The following RCSD1 variants were observed in gnomAD, a reference collection of about 807,000 sequenced individuals.
The protein encoded by RCSD1 is capZ-interacting protein.
A neutral mutation model predicts 42.5 loss-of-function variants in RCSD1; 26 were observed. The ratio of observed to expected loss-of-function variants is 0.61; its 90% CI spans 0.45 to 0.85. The LOEUF (loss-of-function observed/expected upper bound fraction) is 0.85. Among genes scored for constraint, RCSD1 ranks in the 40% least tolerant of loss-of-function variants. The probability of loss-of-function intolerance (pLI) is 0.00; values close to 1 mark genes in which losing one functional copy is unlikely to be tolerated. For missense variants in RCSD1, 571 were observed against 528.3 expected, an observed-to-expected ratio of 1.08 and a Z score of -0.79; for synonymous variants, 220 against 212.2, an observed-to-expected ratio of 1.04 and a Z score of -0.32.
At chr1:167,636,492 G>A (rs909848172) in intron 1 of RCSD1, among the ~76,000 whole-genome samples, 2 of 152,254 alleles carry the variant, frequency 1.3e-5, no homozygotes, top group East Asian at 1.9e-4. Flanking sequence ...TCCTGGCCTC[G>A]AGGTAGCAAT....
At chr1:167,641,143 A>G (rs1226916495) in intron 1 of RCSD1, among the ~76,000 whole-genome samples, 1 of 152,096 alleles carries the variant, frequency 6.6e-6, no homozygotes, top group Non-Finnish European at 1.5e-5. Flanking sequence ...CTGTTCAGAG[A>G]GCTGCAGTTG....
intron 2 of RCSD1, among the ~76,000 whole-genome samples, chr1:167,685,090 G>A (rs1571095678): frequency 1.3e-5 from 2 of 152,196 alleles, no homozygotes; most frequent in East Asian, 3.8e-4. Flanking sequence ...TTGATCTCAG[G>A]TGCTGGCACT....
intron 1 of RCSD1, among the ~76,000 whole-genome samples, chr1:167,656,180 G>A (rs1387193182): frequency 6.6e-6 from 1 of 152,142 alleles, no homozygotes; most frequent in Non-Finnish European, 1.5e-5. Context: ...GCTCAGGATG[G>A]TTAAGGGGTT....
intron 4 of RCSD1, among the ~76,000 whole-genome samples, chr1:167,693,203 C>A (rs528970426): frequency 4.3e-4 from 65 of 152,298 alleles, no homozygotes; most frequent in Admixed American, 3.1e-3. Context: ...TTCGGCACTG[C>A]CACAGGGTCT....
chr1:167,674,605 G>T (rs760901609), intron 1 of RCSD1, among the ~76,000 whole-genome samples: 2 of 152,188 alleles, frequency 1.3e-5, no homozygotes, highest in African/African-American at 4.8e-5. Flanking sequence ...AAGAAAGCCT[G>T]TAGGCTTTAG....
At position 167,697,523 on chromosome 1, in the gene RCSD1, G is replaced by T. The variant is rs756208526; in HGVS notation, c.899G>T (p.Arg300Met). 1 of 1,606,540 alleles carries T rather than the reference G, an allele frequency of 6.2e-7. No individual in the cohort carries two copies. Among genetic ancestry groups the T allele is most frequent in the Non-Finnish European group, 8.5e-7 (1 of 1,176,580 alleles). The stretch of plus-strand genomic sequence containing the variant: ...GCAGAAAATAGGTGTGGGAGCCCCA[G>T]GGAGGAAAAGCCAGCTGGAGAGGAA... ...PEAENRCGSP[R>M]EEKPAGEEAE... is the part of the protein sequence containing the mutation. Residue 300 changes from arginine (R) to methionine (M), a missense_variant, in exon 6 of 7, where the codon AGG becomes ATG. Arg to Met is a moderately conservative substitution (Grantham distance 91, BLOSUM62 -1). Coordinates refer to ENST00000367854, the MANE Select transcript of RCSD1 (RefSeq NM_052862.4).
chr1:167,668,065 T>G (rs1220236195), intron 1 of RCSD1, among the ~76,000 whole-genome samples: 1 of 152,084 alleles, frequency 6.6e-6, no homozygotes, highest in Non-Finnish European at 1.5e-5. Flanking sequence ...CCAAGGCGGA[T>G]GGATCACCTG....
chr1:167,653,260 C>T (rs908936011), intron 1 of RCSD1, among the ~76,000 whole-genome samples: 1 of 152,188 alleles, frequency 6.6e-6, no homozygotes, highest in African/African-American at 2.4e-5. Flanking sequence ...CCTTTAGTTG[C>T]TTTCTGGTGT....
chr1:167,683,038 G>A (rs1659122717), intron 1 of RCSD1, among the ~76,000 whole-genome samples: 1 of 152,170 alleles, frequency 6.6e-6, no homozygotes, highest in Non-Finnish European at 1.5e-5. Flanking sequence ...TGTGTGTCTT[G>A]GTGACAAATG....
chr1:167,689,173 A>G (rs1659311904), intron 3 of RCSD1, among the ~76,000 whole-genome samples: 1 of 151,986 alleles, frequency 6.6e-6, no homozygotes, highest in Non-Finnish European at 1.5e-5. Flanking sequence ...GTAAATACTC[A>G]GTAAATGTTT....
intron 1 of RCSD1, among the ~76,000 whole-genome samples, chr1:167,680,294 C>T (rs1325890786): frequency 6.6e-6 from 1 of 151,800 alleles, no homozygotes; most frequent in East Asian, 1.9e-4. Flanking sequence ...TAGATGCTGG[C>T]AGGGGAGGGA....
intron 4 of RCSD1, among the ~76,000 whole-genome samples, chr1:167,691,899 G>T (rs74989083): frequency 6.6e-6 from 1 of 152,096 alleles, no homozygotes; most frequent in Admixed American, 6.5e-5. Flanking sequence ...TCTCAGAAGG[G>T]ATCCCAGAAC....
At chr1:167,677,514 G>A (rs918333333) in intron 1 of RCSD1, among the ~76,000 whole-genome samples, 5 of 152,238 alleles carry the variant, frequency 3.3e-5, no homozygotes, top group African/African-American at 1.2e-4. Context: ...ATTTAAAGAG[G>A]AAAGGATGAA....
chr1:167,630,525 C>T (rs2102188555), intron 1 of RCSD1, 96 bp downstream of exon 1: 6 of 1,263,364 alleles, frequency 4.7e-6, no homozygotes, highest in Non-Finnish European at 6.3e-6. Context: ...GCATGGAGCA[C>T]GCGGCTCATC....
intron 6 of RCSD1, among the ~76,000 whole-genome samples, chr1:167,699,019 C>T (rs1659578107): frequency 1.3e-5 from 2 of 152,072 alleles, no homozygotes; most frequent in African/African-American, 2.4e-5. Flanking sequence ...AGGATGATCT[C>T]GATCTCCTGA....
intron 6 of RCSD1, among the ~76,000 whole-genome samples, chr1:167,700,444 C>T (rs780656215): frequency 1.3e-5 from 2 of 151,876 alleles, no homozygotes; most frequent in Non-Finnish European, 2.9e-5. Flanking sequence ...GTCAGGAGAT[C>T]GAGACCATCC....
At chr1:167,698,813 G>GT (rs901640174) in intron 6 of RCSD1, among the ~76,000 whole-genome samples, 11 of 151,220 alleles carry the variant, frequency 7.3e-5, no homozygotes, top group African/African-American at 1.7e-4. Flanking sequence ...TTTTGTTTTT[G>GT]TTTTGAGAAG....
At position 167,701,312 on chromosome 1, in the gene RCSD1, C is replaced by CTTTCTTTCTTTA. The variant is rs1324726075; in HGVS notation, c.1219-3345_1219-3344insCTTTATTTCTTT. On this transcript the variant is annotated intron_variant, in intron 6 of 6. Coordinates refer to ENST00000367854, the MANE Select transcript of RCSD1 (RefSeq NM_052862.4). ...TCTTTCTTTCTTTCTTTCTTTCTTT[C>CTTTCTTTCTTTA]TTTCTTTTTTTTAGATGGAGTGTTG... Among the ~76,000 whole-genome samples, 63 of 137,838 alleles carry CTTTCTTTCTTTA rather than the reference C, an allele frequency of 4.6e-4. 1 individual carries two copies. Among genetic ancestry groups the CTTTCTTTCTTTA allele is most frequent in the Admixed American group, 4.5e-3 (62 of 13,860 alleles). 90.4% of individuals were successfully genotyped at this position (137,838 alleles called of 152,430 possible).
chr1:167,655,762 TC>T (rs1658411327), intron 1 of RCSD1, among the ~76,000 whole-genome samples: 1 of 152,304 alleles, frequency 6.6e-6, no homozygotes, highest in African/African-American at 2.4e-5. Context: ...TCCAATAGAA[TC>T]TTTGCTTCTC....
Sources: allele counts gnomAD v4.1 joint callset (sites outside exome capture counted in the v4.1 genomes callset), GRCh38; gene constraint gnomAD v4.1.1; transcripts MANE v1.5; gene names NCBI Gene and HGNC (gene_info 2026-07-23, HGNC 2026-07-21).